The following IGF1 variants were observed in gnomAD, a reference collection of about 807,000 sequenced individuals.
IGF1 encodes insulin like growth factor 1.
Under a neutral mutation model 13.8 loss-of-function variants are expected in IGF1, and 4 were observed. The observed-to-expected ratio is 0.29, with a 90% CI of 0.14 to 0.66. The LOEUF (loss-of-function observed/expected upper bound fraction) is 0.66. Ranked by LOEUF, IGF1 falls within the 30% of genes least tolerant of loss-of-function variation. The probability of loss-of-function intolerance (pLI) is 0.78; values close to 1 mark genes in which losing one functional copy is unlikely to be tolerated. For missense variants in IGF1, 124 were observed against 188.5 expected, an observed-to-expected ratio of 0.66 and a Z score of 2.00; for synonymous variants, 76 against 72.6, an observed-to-expected ratio of 1.05 and a Z score of -0.23.
At chr12:102,459,274 C>T (rs912137354) in intron 2 of IGF1, among the ~76,000 whole-genome samples, 1 of 152,116 alleles carries the variant, frequency 6.6e-6, no homozygotes, top group East Asian at 1.9e-4. Context: ...TGGACTCACT[C>T]AATTTACATA....
chr12:102,472,750 T>G (rs1441040284), intron 2 of IGF1, among the ~76,000 whole-genome samples: 1 of 152,138 alleles, frequency 6.6e-6, no homozygotes, highest in East Asian at 1.9e-4. Flanking sequence ...AAAAGGAAAC[T>G]GAATGAAATT....
At position 102,409,943 on chromosome 12, in the gene IGF1, C is replaced by T. The variant is rs1874490132; in HGVS notation, c.403-7377G>A. Among the ~76,000 whole-genome samples, 4 of 152,242 alleles carry T rather than the reference C, an allele frequency of 2.6e-5. No homozygotes were observed. The South Asian group carries it at 8.3e-4, about 32-fold the overall frequency. ...TGCTAGAGTGCTGCCCTTTCTCTGGCTGAATGTGGGGAAACAGTAGCTAGC... is the reference window on the plus strand; with the variant it reads ...TGCTAGAGTGCTGCCCTTTCTCTGGTTGAATGTGGGGAAACAGTAGCTAGC... On this transcript the variant is annotated intron_variant, in intron 3 of 3. Transcript: ENST00000337514.
At chr12:102,460,496 T>G (rs1879814634) in intron 2 of IGF1, among the ~76,000 whole-genome samples, 1 of 152,222 alleles carries the variant, frequency 6.6e-6, no homozygotes, top group Non-Finnish European at 1.5e-5. Flanking sequence ...CTCCCTTGGG[T>G]ATTGCTAAAC....
rs778990836 is a variant in IGF1, at chr12:102,419,681, G to A, written c.230C>T (p.Thr77Ile). The part of the protein sequence containing the change: ...GDRGFYFNKP[T>I]GYGSSSRRAP... ...CCTCCGACTGCTGGAGCCATACCCT[G>A]TGGGCTTGTCTGCACAAATCAAACA... The change falls in exon 3 of 4, where the codon ACA becomes ATA. Residue 77 changes from threonine to isoleucine, a missense_variant. This residue lies in a region of IGF1 where 99 missense variants were observed against 171.4 expected (regional missense o/e 0.58). Transcript: ENST00000337514. 2.5e-6 allele frequency: 4 copies of A among 1,612,226 alleles called. No individual in the cohort carries two copies. Among genetic ancestry groups the A allele is most frequent in the Non-Finnish European group, 3.4e-6 (4 of 1,180,010 alleles).
rs369153767 is a variant in IGF1, at chr12:102,420,743, A to C, written c.221-1053T>G. 1.1e-4 allele frequency among the ~76,000 whole-genome samples: 17 copies of C among 152,330 alleles called. 1 individual carries two copies. Among genetic ancestry groups the C allele is most frequent in the Admixed American group, 2.0e-4 (3 of 15,308 alleles). Reference sequence around the variant, plus strand: ...ATTCTGTTCTAGCTCAGGCAAGGGCAGAGGGACAGAAACTTGCTTTCTCTT... The same window carrying C: ...ATTCTGTTCTAGCTCAGGCAAGGGCCGAGGGACAGAAACTTGCTTTCTCTT... On this transcript the variant is annotated intron_variant, in intron 2 of 3. Transcript: ENST00000337514.
chr12:102,439,854 C>G (rs1241314969), intron 2 of IGF1, among the ~76,000 whole-genome samples: 2 of 152,150 alleles, frequency 1.3e-5, no homozygotes, highest in Non-Finnish European at 2.9e-5. Context: ...TATTCCTCAT[C>G]TCTTCTGAGG....
At chr12:102,469,499 C>T (rs773175302) in intron 2 of IGF1, among the ~76,000 whole-genome samples, 52 of 152,250 alleles carry the variant, frequency 3.4e-4, no homozygotes, top group Non-Finnish European at 5.1e-4. Flanking sequence ...TCTAATTAGC[C>T]TCTTCTAAAA....
At chr12:102,420,681 A>G (rs1209921080) in intron 2 of IGF1, among the ~76,000 whole-genome samples, 5 of 152,166 alleles carry the variant, frequency 3.3e-5, no homozygotes, top group African/African-American at 4.8e-5. Context: ...GTAACTGCCA[A>G]ACTGAAACAG....
At chr12:102,467,464 TA>T (rs1880408953) in intron 2 of IGF1, among the ~76,000 whole-genome samples, 1 of 152,212 alleles carries the variant, frequency 6.6e-6, no homozygotes, top group East Asian at 1.9e-4. Flanking sequence ...AAAGCATTTC[TA>T]CCAAAGTTGA....
chr12:102,435,545 C>T (rs1319245696), intron 2 of IGF1, among the ~76,000 whole-genome samples: 2 of 152,142 alleles, frequency 1.3e-5, no homozygotes, highest in Non-Finnish European at 2.9e-5. Context: ...TCAGCCATTT[C>T]AACAACCTTA....
At chr12:102,475,588 C>T (rs545907461) in intron 2 of IGF1, 55 bp downstream of exon 2, 2 of 1,600,384 alleles carry the variant, frequency 1.2e-6, no homozygotes, top group East Asian at 2.2e-5. Flanking sequence ...GTTGTAAATC[C>T]ACAGAGCTGT....
Position 102,446,610 on chromosome 12 carries a change from C to T in IGF1, c.221-26920G>A, listed in dbSNP as rs190598617. 1.2e-3 allele frequency among the ~76,000 whole-genome samples: 187 copies of T among 152,098 alleles called. 3 individuals carry two copies. Among genetic ancestry groups the T allele is most frequent in the Non-Finnish European group, 2.2e-4 (15 of 68,000 alleles). ...TTTATTGCATCTATTTGATTCTTCT[C>T]TCTTTTCTTCTTTATTAGTCTTGCT... On this transcript the variant is annotated intron_variant, in intron 2 of 3. Coordinates refer to ENST00000337514, the MANE Select transcript of IGF1 (RefSeq NM_000618.5).
intron 2 of IGF1, among the ~76,000 whole-genome samples, chr12:102,454,594 A>G (rs143876293): frequency 1.0e-3 from 155 of 152,348 alleles, no homozygotes; most frequent in Non-Finnish European, 1.8e-3. Context: ...ACTCTCCATG[A>G]AGCTCCCAAG....
chr12:102,472,777 T>C (rs1163363323), intron 2 of IGF1, among the ~76,000 whole-genome samples: 1 of 152,184 alleles, frequency 6.6e-6, no homozygotes, highest in East Asian at 1.9e-4. Context: ...CAACAATTGA[T>C]GCCTGTAGGA....
At chr12:102,427,333 G>T (rs1446789856) in intron 2 of IGF1, among the ~76,000 whole-genome samples, 2 of 152,136 alleles carry the variant, frequency 1.3e-5, no homozygotes, top group Non-Finnish European at 1.5e-5. Context: ...TCTTTCAGAT[G>T]TGGGAAGAGA....
chr12:102,460,607 G>A (rs1002473952), intron 2 of IGF1, among the ~76,000 whole-genome samples: 1 of 152,160 alleles, frequency 6.6e-6, no homozygotes, highest in Admixed American at 6.5e-5. Context: ...AGGAATGAGA[G>A]AATACTAACA....
upstream of IGF1, among the ~76,000 whole-genome samples, chr12:102,480,823 T>C (rs1405131002): frequency 2.6e-5 from 4 of 152,060 alleles, no homozygotes; most frequent in African/African-American, 9.7e-5. Flanking sequence ...CCATAGAAAA[T>C]AAGGATCTGT....
At chr12:102,451,224 G>A (rs550371450) in intron 2 of IGF1, among the ~76,000 whole-genome samples, 3 of 152,210 alleles carry the variant, frequency 2.0e-5, no homozygotes, top group African/African-American at 7.2e-5. Flanking sequence ...CATCAATGAA[G>A]TTTTTATCAA....
At chr12:102,446,461 T>C (rs979820357) in intron 2 of IGF1, among the ~76,000 whole-genome samples, 1 of 152,200 alleles carries the variant, frequency 6.6e-6, no homozygotes, top group Non-Finnish European at 1.5e-5. Flanking sequence ...GCAGGGTGTA[T>C]GTGTCCAGCA....
Sources: allele counts gnomAD v4.1 joint callset (sites outside exome capture counted in the v4.1 genomes callset), GRCh38; gene constraint gnomAD v4.1.1; regional missense constraint gnomAD v4.1.1; transcripts MANE v1.5; gene names NCBI Gene and HGNC (gene_info 2026-07-23, HGNC 2026-07-21).